Variants in ALK observed in about 807,000 individuals in gnomAD.
ALK encodes ALK receptor tyrosine kinase.
In ALK, 74 loss-of-function variants were observed where a neutral mutation model predicts 163.1. The ratio of observed to expected loss-of-function variants is 0.45; its 90% CI spans 0.38 to 0.55. ALK has a LOEUF of 0.55. Among genes scored for constraint, ALK ranks in the 20% least tolerant of loss-of-function variants. The pLI, the probability that ALK is intolerant of heterozygous loss-of-function variation, is 0.00. For synonymous variants in ALK, 960 were observed against 843.2 expected, an observed-to-expected ratio of 1.14 and a Z score of -2.40; for missense variants, 2,063 against 2,105.3, an observed-to-expected ratio of 0.98 and a Z score of 0.39.
At chr2:29,803,684 T>C (rs1181962633) in intron 1 of ALK, among the ~76,000 whole-genome samples, 1 of 152,244 alleles carries the variant, frequency 6.6e-6, no homozygotes, top group Non-Finnish European at 1.5e-5. Context: ...GGTTGATTCA[T>C]TCATGTAGAA....
At chr2:29,516,035 G>A (rs942875791) in intron 4 of ALK, among the ~76,000 whole-genome samples, 1 of 152,206 alleles carries the variant, frequency 6.6e-6, no homozygotes, top group African/African-American at 2.4e-5. Flanking sequence ...ACCTGGGTGA[G>A]GGCTCTGACA....
At position 29,531,904 on chromosome 2, in the gene ALK, G is replaced by C; in HGVS notation, c.1154+11C>G. The stretch of plus-strand genomic sequence containing the variant: ...GTATAAAATCAATTTTGGACATGGA[G>C]AAGTACTTACCCATGCTTCCCTGGA... On this transcript the variant is annotated intron_variant, in intron 4 of 28. Coordinates refer to ENST00000389048, the MANE Select transcript of ALK (RefSeq NM_004304.5). 6.2e-7 allele frequency: 1 copy of C among 1,613,810 alleles called. No homozygotes were observed. The highest frequency in any genetic ancestry group is 8.5e-7 in the Non-Finnish European group (1 of 1,179,786).
chr2:29,382,687 C>T (rs187148386), intron 5 of ALK, among the ~76,000 whole-genome samples: 30 of 152,198 alleles, frequency 2.0e-4, no homozygotes, highest in African/African-American at 4.8e-4. Context: ...TTCATGAGTG[C>T]GGAAACATTT....
chr2:29,561,289 T>A (rs889057742), intron 3 of ALK, among the ~76,000 whole-genome samples: 1 of 152,188 alleles, frequency 6.6e-6, no homozygotes, highest in African/African-American at 2.4e-5. Flanking sequence ...GTGCTTCCTC[T>A]CTTCTTGGCT....
intron 1 of ALK, among the ~76,000 whole-genome samples, chr2:29,818,165 A>C (rs1664949065): frequency 6.6e-6 from 1 of 152,192 alleles, no homozygotes; most frequent in African/African-American, 2.4e-5. Flanking sequence ...CAGAGTTGTG[A>C]ATTTATAAAA....
chr2:29,229,163 C>A (rs1433009467), intron 15 of ALK, 97 bp from the exon 16 acceptor site: 1 of 1,100,668 alleles, frequency 9.1e-7, no homozygotes, highest in Non-Finnish European at 1.4e-6. Flanking sequence ...TTGGAGGGCG[C>A]CCGCACCAGC....
At chr2:29,404,385 C>T (rs1669530791) in intron 4 of ALK, among the ~76,000 whole-genome samples, 1 of 151,162 alleles carries the variant, frequency 6.6e-6, no homozygotes, top group Non-Finnish European at 1.5e-5. Context: ...AATATTTACT[C>T]AAACAGAACA....
intron 3 of ALK, among the ~76,000 whole-genome samples, chr2:29,572,235 T>C (rs1294812983): frequency 6.6e-6 from 1 of 152,246 alleles, no homozygotes; most frequent in African/African-American, 2.4e-5. Flanking sequence ...GTTATGAAGA[T>C]TTCTTTTCTT....
At chr2:29,858,294 G>GAA (rs35578657) in intron 1 of ALK, among the ~76,000 whole-genome samples, 1 of 151,914 alleles carries the variant, frequency 6.6e-6, no homozygotes, top group African/African-American at 2.4e-5. Context: ...TACATAAATG[G>GAA]AACCGTAGGC....
intron 11 of ALK, among the ~76,000 whole-genome samples, chr2:29,261,685 C>A (rs1204803174): frequency 6.6e-6 from 1 of 152,166 alleles, no homozygotes; most frequent in Non-Finnish European, 1.5e-5. Context: ...TAGTGCTTCC[C>A]AGACTTAATG....
chr2:29,717,595 G>A lies in ALK; in HGVS notation c.770C>T (p.Ser257Phe), dbSNP rs1679299604. The change falls in exon 2 of 29, where the codon TCT becomes TTT. Residue 257 changes from serine to phenylalanine, a missense_variant. Ser to Phe is a radical substitution (Grantham distance 155). Transcript: ENST00000389048. ...ATACTTACCATATCGGCTGCGATGA[G>A]ACAGGAAAGGGAAGGAGTCTTTCAT... ...WIMKDSFPFL[S>F]HRSRYGLECS... is the part of the protein sequence containing the mutation. 1 of 1,614,030 alleles carries A rather than the reference G, an allele frequency of 6.2e-7. No homozygotes were observed. The highest frequency in any genetic ancestry group is 8.5e-7 in the Non-Finnish European group (1 of 1,179,920).
At chr2:29,240,152 C>CAGAGAGAGGGAGGGAGAG (rs142234574) in intron 12 of ALK, among the ~76,000 whole-genome samples, 2 of 143,298 alleles carry the variant, frequency 1.4e-5, no homozygotes, top group African/African-American at 5.2e-5. Flanking sequence ...AGGGAAACAG[C>CAGAGAGAGGGAGGGAGAG]AGAGAGAGAG....
chr2:29,785,639 A>G (rs1327036199), intron 1 of ALK, among the ~76,000 whole-genome samples: 2 of 152,220 alleles, frequency 1.3e-5, no homozygotes, highest in African/African-American at 4.8e-5. Context: ...AGCAAAGCAT[A>G]CAAATGTGTG....
intron 1 of ALK, among the ~76,000 whole-genome samples, chr2:29,745,463 T>C (rs1171155947): frequency 6.6e-6 from 1 of 152,084 alleles, no homozygotes; most frequent in Non-Finnish European, 1.5e-5. Context: ...AGCAAAACCT[T>C]CCCTCCCAGT....
intron 2 of ALK, among the ~76,000 whole-genome samples, chr2:29,699,212 C>G (rs1401598860): frequency 6.6e-6 from 1 of 152,140 alleles, no homozygotes; most frequent in East Asian, 1.9e-4. Flanking sequence ...AGGTCCACAC[C>G]CACCCAGGGG....
In ALK at chr2:29,763,514, T is replaced by C. The variant is rs573743140; in HGVS notation, c.668-45817A>G. Among the ~76,000 whole-genome samples, 4 of 152,224 alleles carry C rather than the reference T, an allele frequency of 2.6e-5. No homozygotes were observed. The South Asian group carries it at 8.3e-4, about 32-fold the overall frequency. On this transcript the variant is annotated intron_variant, in intron 1 of 28. Transcript: ENST00000389048. ...TAGGACAGTTAATAAAAATAACGAG[T>C]GCCTCATAAATCAGGAAATTAAGTG...
intron 4 of ALK, among the ~76,000 whole-genome samples, chr2:29,449,655 G>C (rs1026280551): frequency 3.7e-4 from 57 of 152,208 alleles, no homozygotes; most frequent in African/African-American, 1.3e-3. Flanking sequence ...AGAAGCTGAG[G>C]GCTTACGGAT....
chr2:29,569,465 T>C lies in ALK; in HGVS notation c.953-37349A>G, dbSNP rs907933116. ...CTATAGAATGGGTTGGATACTTACA[T>C]GTACCTTGTAGGTGGGTAATAATGA... On this transcript the variant is annotated intron_variant, in intron 3 of 28. Coordinates refer to ENST00000389048, the MANE Select transcript of ALK (RefSeq NM_004304.5). Among the ~76,000 whole-genome samples, 22 of 152,320 alleles carry C rather than the reference T, an allele frequency of 1.4e-4. 1 individual carries two copies. The highest frequency in any genetic ancestry group is 5.3e-4 in the African/African-American group (22 of 41,578).
intron 6 of ALK, among the ~76,000 whole-genome samples, chr2:29,327,977 G>C (rs1442211528): frequency 2.0e-5 from 3 of 152,196 alleles, no homozygotes; most frequent in African/African-American, 7.2e-5. Flanking sequence ...GGTGCATGGA[G>C]GAGGGAGAGG....
Sources: gnomAD v4.1 joint callset for allele counts (sites outside exome capture counted in the v4.1 genomes callset) on GRCh38, gnomAD v4.1.1 for gene constraint, MANE v1.5 for transcripts, NCBI Gene and HGNC (gene_info 2026-07-23, HGNC 2026-07-21) for gene names.